The following GPC6 variants were observed in gnomAD, a reference collection of about 807,000 sequenced individuals.
GPC6 encodes glypican 6.
A neutral mutation model predicts 55.2 loss-of-function variants in GPC6; 14 were observed. That is an observed-to-expected ratio of 0.25 (90% confidence interval 0.17 to 0.40). The LOEUF is 0.40. Among genes scored for constraint, GPC6 ranks in the 10% least tolerant of loss-of-function variants. The pLI is 1.00. For missense variants in GPC6, 641 were observed against 708.5 expected (o/e 0.90, Z 1.08); for synonymous variants, 278 against 259.6 (o/e 1.07, Z -0.68).
chr13:93,283,654 G>A (rs1000834928), intron 1 of GPC6, among the ~76,000 whole-genome samples: 5 of 152,090 alleles, frequency 3.3e-5, no homozygotes, highest in East Asian at 1.9e-4. Context: ...TTACATGTGC[G>A]GTCTCTGTTT....
chr13:93,832,321 G>A (rs1887552036), intron 3 of GPC6, among the ~76,000 whole-genome samples: 1 of 151,044 alleles, frequency 6.6e-6, no homozygotes, highest in East Asian at 2.0e-4. Context: ...ATTTTCTTGA[G>A]TAGATGCATT....
chr13:94,382,196 T>C (rs986160329), intron 6 of GPC6, among the ~76,000 whole-genome samples: 3 of 152,118 alleles, frequency 2.0e-5, no homozygotes, highest in African/African-American at 7.2e-5. Flanking sequence ...AAAAAGCCAA[T>C]TACCTGAGAA....
At chr13:94,216,858 A>T (rs1890240534) in intron 4 of GPC6, among the ~76,000 whole-genome samples, 2 of 152,204 alleles carry the variant, frequency 1.3e-5, no homozygotes, top group Admixed American at 1.3e-4. Context: ...GTCACTTCAT[A>T]AGGACCCAGG....
At chr13:93,811,254 T>A (rs78661862) in intron 2 of GPC6, among the ~76,000 whole-genome samples, 1,911 of 152,314 alleles carry the variant, frequency 0.013, 40 homozygotes, top group African/African-American at 0.043. Context: ...CCACAATCAA[T>A]TTGCAAGCAC....
At chr13:93,553,536 A>T (rs1214441997) in intron 2 of GPC6, among the ~76,000 whole-genome samples, 4 of 151,740 alleles carry the variant, frequency 2.6e-5, no homozygotes, top group African/African-American at 9.7e-5. Context: ...ACTAAAAAAA[A>T]TACAAAAAAT....
intron 1 of GPC6, among the ~76,000 whole-genome samples, chr13:93,354,519 A>AT (rs775211146): frequency 0.1 from 5,149 of 51,686 alleles, 180 homozygotes; most frequent in African/African-American, 0.2. Flanking sequence ...CTCGGCTATT[A>AT]TTTTTTTTTT....
At chr13:94,361,268 CA>C (rs1879046769) in intron 6 of GPC6, among the ~76,000 whole-genome samples, 1 of 152,168 alleles carries the variant, frequency 6.6e-6, no homozygotes, top group African/African-American at 2.4e-5. Flanking sequence ...TTCTTGAAGA[CA>C]AGCAGGCTTC....
chr13:93,754,481 C>T (rs542250936), intron 2 of GPC6, among the ~76,000 whole-genome samples: 6 of 152,056 alleles, frequency 3.9e-5, no homozygotes, highest in Non-Finnish European at 8.8e-5. Flanking sequence ...AATAATTAAT[C>T]GCTTATTCCC....
chr13:94,138,082 C>A (rs1224429786), intron 4 of GPC6, among the ~76,000 whole-genome samples: 2 of 151,918 alleles, frequency 1.3e-5, no homozygotes, highest in African/African-American at 4.8e-5. Flanking sequence ...GTTGAGCATC[C>A]CAAATATGAA....
chr13:94,155,044 C>T (rs368379903), intron 4 of GPC6, among the ~76,000 whole-genome samples: 11 of 152,092 alleles, frequency 7.2e-5, no homozygotes, highest in East Asian at 1.9e-4. Flanking sequence ...TCCTTTAGTC[C>T]GGCTCCCTGG....
intron 1 of GPC6, among the ~76,000 whole-genome samples, chr13:93,369,706 A>T (rs1881382673): frequency 6.6e-6 from 1 of 152,166 alleles, no homozygotes; most frequent in South Asian, 2.1e-4. Context: ...CATTTGAAGC[A>T]ACAGTTTAAA....
intron 4 of GPC6, among the ~76,000 whole-genome samples, chr13:94,076,068 A>T (rs1308407436): frequency 6.6e-6 from 1 of 151,720 alleles, no homozygotes; most frequent in African/African-American, 2.4e-5. Flanking sequence ...AATATTTTAC[A>T]TTCCCACCAA....
chr13:93,995,814 G>T (rs556600793), intron 3 of GPC6, among the ~76,000 whole-genome samples: 1 of 152,074 alleles, frequency 6.6e-6, no homozygotes, highest in African/African-American at 2.4e-5. Flanking sequence ...GATAGGAAAT[G>T]AATGTTTTTC....
At position 93,289,595 on chromosome 13, in the gene GPC6, A is replaced by G. The variant is rs918864935; in HGVS notation, c.160+61979A>G. Among the ~76,000 whole-genome samples the G allele has an allele frequency of 5.3e-5, 8 of 152,312 alleles. 1 individual carries two copies. The South Asian group carries it at 1.7e-3, about 32-fold the overall frequency. On this transcript the variant is annotated intron_variant, in intron 1 of 8. Transcript: ENST00000377047. ...TATATGTATATCTTCATATCCACTT[A>G]TAGACAAAGATATATGTATAGGGAA...
At chr13:93,226,805 C>A (rs1488320243), upstream of GPC6, 3 of 152,464 alleles carry the variant, frequency 2.0e-5, no homozygotes, top group Non-Finnish European at 4.4e-5. Context: ...TTTCTCCCCC[C>A]TCCTTTCTCC....
In GPC6 at chr13:94,354,121, A is replaced by C. The variant is rs145667389; in HGVS notation, c.1153-28293A>C. 4.9e-4 allele frequency among the ~76,000 whole-genome samples: 74 copies of C among 152,284 alleles called. 1 individual carries two copies. Among genetic ancestry groups the C allele is most frequent in the African/African-American group, 1.7e-3 (72 of 41,554 alleles). ...TCCTCTTACAGATGCTTAGCTTCGG[A>C]GGCATCTTGTACAGAATAACATATT... On this transcript the variant is annotated intron_variant, in intron 6 of 8. Transcript: ENST00000377047.
chr13:93,975,492 G>T (rs573622192), intron 3 of GPC6, among the ~76,000 whole-genome samples: 77 of 152,238 alleles, frequency 5.1e-4, no homozygotes, highest in Middle Eastern at 3.4e-3. Flanking sequence ...CAAAACAGAT[G>T]CTGTTATGCA....
intron 1 of GPC6, among the ~76,000 whole-genome samples, chr13:93,389,817 G>A (rs1212719364): frequency 1.3e-5 from 2 of 151,908 alleles, no homozygotes; most frequent in East Asian, 1.9e-4. Flanking sequence ...GGGATAAATT[G>A]TTAAGCCCTC....
At chr13:94,017,182 C>A (rs1882500738) in intron 3 of GPC6, among the ~76,000 whole-genome samples, 1 of 152,110 alleles carries the variant, frequency 6.6e-6, no homozygotes, top group Non-Finnish European at 1.5e-5. Context: ...GTATAGAAAC[C>A]CAACACATTT....
Sources: allele counts gnomAD v4.1 joint callset (sites outside exome capture counted in the v4.1 genomes callset), GRCh38; gene constraint gnomAD v4.1.1; transcripts MANE v1.5; gene names NCBI Gene and HGNC (gene_info 2026-07-23, HGNC 2026-07-21).